Variants in ABHD17C observed in about 807,000 individuals in gnomAD.
ABHD17C encodes the protein alpha/beta hydrolase domain-containing protein 17C.
ABHD17C carries 11 observed loss-of-function variants against 27.9 expected under a neutral mutation model. The ratio of observed to expected loss-of-function variants is 0.39; its 90% CI spans 0.25 to 0.65. The LOEUF (loss-of-function observed/expected upper bound fraction) is 0.65. Among genes scored for constraint, ABHD17C ranks in the 30% least tolerant of loss-of-function variants. ABHD17C has a pLI of 0.45. For missense variants in ABHD17C, 280 were observed against 470.2 expected, an observed-to-expected ratio of 0.60 and a Z score of 3.74; for synonymous variants, 233 against 209.1, an observed-to-expected ratio of 1.11 and a Z score of -0.98.
intron 1 of ABHD17C, among the ~76,000 whole-genome samples, chr15:80,705,333 T>TGTGTGTGTGTGTGTGTGTGTGTG (rs1555421865): frequency 8.4e-5 from 9 of 106,822 alleles, no homozygotes; most frequent in South Asian, 3.5e-4. Context: ...TTCCTATGAT[T>TGTGTGTGTGTGTGTGTGTGTGTG]TGTGTGTGTG....
Position 80,695,819 on chromosome 15 carries a change from C to T in ABHD17C, c.390C>T (p.Ser130=), listed in dbSNP as rs569270377. ...GCATGTTCGTGCGCTGCGCGCCCTCCAGCCGCTACACGCTGCTCTTCTCGC... is the reference window on the plus strand; with the variant it reads ...GCATGTTCGTGCGCTGCGCGCCCTCTAGCCGCTACACGCTGCTCTTCTCGC... ...LGCMFVRCAP[S]SRYTLLFSHG... Residue 130 remains serine (S), a synonymous_variant, in exon 1 of 3, where the codon TCC becomes TCT. Transcript: ENST00000258884. The surrounding 1 kb of genome is among the most constrained non-coding windows in gnomAD (Gnocchi z 4.3). 1.3e-6 allele frequency: 2 copies of T among 1,574,360 alleles called. No homozygotes were observed. The highest frequency in any genetic ancestry group is 2.3e-5 in the South Asian group (2 of 87,992).
Position 80,695,557 on chromosome 15 carries a change from C to T in ABHD17C, c.128C>T (p.Thr43Met). 1 of 1,305,890 alleles carries T rather than the reference C, an allele frequency of 7.7e-7. No individual in the cohort carries two copies. 80.9% of individuals were successfully genotyped at this position (1,305,890 alleles called of 1,614,324 possible). Residue 43 changes from threonine to methionine, a missense_variant, in exon 1 of 3, where the codon ACG becomes ATG. Transcript: ENST00000258884. This position sits in a 1 kb window ranked among gnomAD's most constrained non-coding sequence, Gnocchi z 4.3. ...TTCCTGCCGCCCGAGCCCACCTACA[C>T]GGTGCTGGCGCCGGAGCAGCGCGGC... Reference protein sequence around the residue: ...LAFLPPEPTYTVLAPEQRGAG... With the variant: ...LAFLPPEPTYMVLAPEQRGAG...
At chr15:80,740,225 C>A (rs1216186711) in intron 1 of ABHD17C, among the ~76,000 whole-genome samples, 4 of 152,104 alleles carry the variant, frequency 2.6e-5, no homozygotes, top group Non-Finnish European at 5.9e-5. Context: ...CAGGACACTG[C>A]CTGTTGCTAC....
chr15:80,702,984 A>T (rs1303800712), intron 1 of ABHD17C: 1 of 152,244 alleles, frequency 6.6e-6, no homozygotes, highest in Non-Finnish European at 1.5e-5. Context: ...GTGCAGCTGT[A>T]ACAGAAGATC....
intron 1 of ABHD17C, among the ~76,000 whole-genome samples, chr15:80,699,766 C>T (rs559560485): frequency 4.6e-5 from 7 of 152,146 alleles, no homozygotes; most frequent in South Asian, 4.2e-4. Context: ...TGGTTGTTGC[C>T]GTTTGGCCAA....
chr15:80,717,754 A>G (rs2141500472), intron 1 of ABHD17C, among the ~76,000 whole-genome samples: 1 of 152,250 alleles, frequency 6.6e-6, no homozygotes, highest in Middle Eastern at 3.4e-3. Context: ...AATTGGAACC[A>G]TTTTTCTTCA....
At chr15:80,715,750 T>A (rs932191479) in intron 1 of ABHD17C, among the ~76,000 whole-genome samples, 5 of 152,202 alleles carry the variant, frequency 3.3e-5, no homozygotes, top group African/African-American at 9.6e-5. Context: ...GAGTGCAAGG[T>A]TTCCATGTAT....
intron 1 of ABHD17C, among the ~76,000 whole-genome samples, chr15:80,742,562 G>A (rs1895225155): frequency 6.6e-6 from 1 of 152,166 alleles, no homozygotes. Flanking sequence ...TCTTCCAGAA[G>A]CACCCTCACA....
intron 1 of ABHD17C, chr15:80,704,791 C>T (rs1205304212): frequency 6.6e-6 from 1 of 152,214 alleles, no homozygotes; most frequent in Non-Finnish European, 1.5e-5. Flanking sequence ...AGAGCTCAGT[C>T]TGACAAGAGA....
chr15:80,705,402 G>A (rs1290126142), intron 1 of ABHD17C, among the ~76,000 whole-genome samples: 1 of 123,548 alleles, frequency 8.1e-6, no homozygotes, highest in Non-Finnish European at 1.7e-5. Flanking sequence ...CAACAGACCT[G>A]ATTTTAGGTC....
chr15:80,695,509 G>C lies in ABHD17C; in HGVS notation c.80G>C (p.Ser27Thr), dbSNP rs1245250165. 1.4e-6 allele frequency: 2 copies of C among 1,382,870 alleles called. No individual in the cohort carries two copies. The highest frequency in any genetic ancestry group is 9.5e-7 in the Non-Finnish European group (1 of 1,056,852). The allele number at this position is 1,382,870 out of a possible 1,614,324, so 85.7% of individuals were successfully genotyped here. ...CTCTTCTGCTGCCCGCCCTGCCCGA[G>C]CCGCATCGCCGCCAAGCTGGCCTTC... ...CWLFCCPPCP[S>T]RIAAKLAFLP... The change falls in exon 1 of 3, where the codon AGC becomes ACC. Residue 27 changes from serine to threonine, a missense_variant. Transcript: ENST00000258884. This position sits in a 1 kb window ranked among gnomAD's most constrained non-coding sequence, Gnocchi z 4.3.
At chr15:80,745,319 G>T (rs896270001) in intron 1 of ABHD17C, among the ~76,000 whole-genome samples, 4 of 151,796 alleles carry the variant, frequency 2.6e-5, no homozygotes, top group Non-Finnish European at 4.4e-5. Flanking sequence ...TTTAATTTTG[G>T]TAGGTTTAAG....
intron 1 of ABHD17C, among the ~76,000 whole-genome samples, chr15:80,741,442 A>C (rs893803929): frequency 6.6e-6 from 1 of 151,302 alleles, no homozygotes; most frequent in African/African-American, 2.4e-5. Context: ...TTTCTTATTA[A>C]GTTGAGAACT....
intron 1 of ABHD17C, among the ~76,000 whole-genome samples, chr15:80,730,756 G>A (rs1895047075): frequency 6.6e-6 from 1 of 152,168 alleles, no homozygotes; most frequent in Non-Finnish European, 1.5e-5. Flanking sequence ...AACGGAATCT[G>A]CTATTTATGC....
intron 1 of ABHD17C, among the ~76,000 whole-genome samples, chr15:80,707,064 C>T (rs955939383): frequency 7.9e-5 from 12 of 152,128 alleles, no homozygotes; most frequent in African/African-American, 2.2e-4. Context: ...CTTCTTTGTG[C>T]GCAGAAGGTC....
rs1308884921 is a variant in ABHD17C, at chr15:80,713,454, A to G, written c.590+17435A>G. Among the ~76,000 whole-genome samples the G allele has an allele frequency of 2.9e-5, 4 of 139,210 alleles. No individual in the cohort carries two copies. In the Admixed American group the frequency reaches 3.1e-4, roughly 11 times the overall value. 91.3% of individuals were successfully genotyped at this position (139,210 alleles called of 152,430 possible). A position where few individuals can be genotyped will look rare whatever the true frequency, so the allele number is the denominator to read the frequency against. On this transcript the variant is annotated intron_variant, in intron 1 of 2. Coordinates refer to ENST00000258884, the MANE Select transcript of ABHD17C (RefSeq NM_021214.2). ...CAGGAGTGTGTCCCATTTGTCCAGA[A>G]TTAGTGGTATGCCATAAACAGAGCC... is the stretch of plus-strand genomic sequence containing the variant.
intron 2 of ABHD17C, among the ~76,000 whole-genome samples, chr15:80,753,534 T>C (rs552285082): frequency 5.3e-5 from 8 of 152,286 alleles, no homozygotes; most frequent in African/African-American, 1.9e-4. Context: ...TTTTGTTTTG[T>C]TTTCTTTTCT....
intron 1 of ABHD17C, among the ~76,000 whole-genome samples, chr15:80,696,338 T>G (rs1894495145): frequency 6.6e-6 from 1 of 152,238 alleles, no homozygotes; most frequent in Admixed American, 6.5e-5. Flanking sequence ...TGGCAGAGTG[T>G]GGGTGCTTAA....
rs1350423576 is a variant in ABHD17C at position 80,695,398 on chromosome 15, GC to G, written c.-30del. ...CCCGGGCCAGCCAGCCAGCCAGCCA[GC>G]CGGGCCGGCGGCGGGCACCAGGCCG... On this transcript the variant is annotated 5_prime_UTR_variant, in exon 1 of 3. Coordinates refer to ENST00000258884, the MANE Select transcript of ABHD17C (RefSeq NM_021214.2). This position sits in a 1 kb window ranked among gnomAD's most constrained non-coding sequence, Gnocchi z 4.3. The G allele has an allele frequency of 1.7e-6, 2 of 1,192,070 alleles. No individual in the cohort carries two copies. Among genetic ancestry groups the G allele is most frequent in the African/African-American group, 3.2e-5 (2 of 61,836 alleles). The allele number at this position is 1,192,070 out of a possible 1,614,324, so 73.8% of individuals were successfully genotyped here.
Sources: gnomAD v4.1 joint callset for allele counts (sites outside exome capture counted in the v4.1 genomes callset) on GRCh38, gnomAD v4.1.1 for gene constraint, Gnocchi (gnomAD v3.1) non-coding constraint, MANE v1.5 for transcripts, NCBI Gene and HGNC (gene_info 2026-07-23, HGNC 2026-07-21) for gene names.